WASF1: variants seen among roughly 807,000 people sequenced by gnomAD.
The protein encoded by WASF1 is WASP family member 1, also known as actin-binding protein WASF1.
WASF1 carries 7 observed loss-of-function variants against 50.5 expected under a neutral mutation model. The observed-to-expected ratio is 0.14, with a 90% CI of 0.08 to 0.26. WASF1 has a LOEUF of 0.26. Among genes scored for constraint, WASF1 ranks in the 10% least tolerant of loss-of-function variants. The pLI, the probability that WASF1 is intolerant of heterozygous loss-of-function variation, is 1.00. For synonymous variants in WASF1, 205 were observed against 244.0 expected, an observed-to-expected ratio of 0.84 and a Z score of 1.49; for missense variants, 470 against 694.7, an observed-to-expected ratio of 0.68 and a Z score of 3.64.
intron 2 of WASF1, among the ~76,000 whole-genome samples, chr6:110,177,685 C>A (rs1776988581): frequency 6.6e-6 from 1 of 152,072 alleles, no homozygotes; most frequent in Admixed American, 6.5e-5. Context: ...TAATCCTACA[C>A]CATCAACTTA....
At chr6:110,167,433 G>A (rs1776524133) in intron 2 of WASF1, among the ~76,000 whole-genome samples, 3 of 151,856 alleles carry the variant, frequency 2.0e-5, no homozygotes, top group Admixed American at 1.3e-4. Flanking sequence ...GACAAGATGT[G>A]GAGGTAGAAG....
intron 4 of WASF1, among the ~76,000 whole-genome samples, chr6:110,117,754 A>T (rs1302162139): frequency 6.6e-6 from 1 of 152,218 alleles, no homozygotes; most frequent in Non-Finnish European, 1.5e-5. Context: ...TGTTAAGGGC[A>T]GCCACAGAGA....
At chr6:110,164,994 A>C (rs1776415088) in intron 2 of WASF1, among the ~76,000 whole-genome samples, 2 of 151,670 alleles carry the variant, frequency 1.3e-5, no homozygotes, top group Admixed American at 1.3e-4. Flanking sequence ...AGAAAAGGCA[A>C]AACTATAAAG....
chr6:110,139,303 G>A (rs942776597), intron 3 of WASF1, among the ~76,000 whole-genome samples: 5 of 152,350 alleles, frequency 3.3e-5, no homozygotes, highest in Admixed American at 2.0e-4. Context: ...ACAGCCCGTG[G>A]CTGGGTGGCT....
intron 5 of WASF1, among the ~76,000 whole-genome samples, chr6:110,112,891 TC>T: frequency 7.4e-6 from 1 of 134,798 alleles, no homozygotes. Context: ...AGAGTGTCTG[TC>T]TCAAAAAAAA....
At chr6:110,155,702 C>A (rs1414574386) in intron 3 of WASF1, among the ~76,000 whole-genome samples, 4 of 60,072 alleles carry the variant, frequency 6.7e-5, no homozygotes, top group Admixed American at 3.4e-4. Flanking sequence ...ATCCCTCCCC[C>A]CTCCCCCGAC....
intron 3 of WASF1, among the ~76,000 whole-genome samples, chr6:110,133,724 T>C (rs1774807215): frequency 6.6e-6 from 1 of 151,406 alleles, no homozygotes; most frequent in African/African-American, 2.4e-5. Context: ...TACTTTCTGA[T>C]GGGATTTTTT....
chr6:110,152,967 C>T (rs931316883), intron 3 of WASF1, among the ~76,000 whole-genome samples: 1 of 152,112 alleles, frequency 6.6e-6, no homozygotes, highest in African/African-American at 2.4e-5. Context: ...TTGTTGAATT[C>T]TATATAAATG....
chr6:110,110,543 T>G (rs1256670814), intron 5 of WASF1, among the ~76,000 whole-genome samples: 2 of 152,190 alleles, frequency 1.3e-5, no homozygotes, highest in African/African-American at 4.8e-5. Context: ...CTTTTCTATC[T>G]TCAACTCCTC....
At chr6:110,154,497 T>G (rs1318141850) in intron 3 of WASF1, among the ~76,000 whole-genome samples, 2 of 151,992 alleles carry the variant, frequency 1.3e-5, no homozygotes, top group African/African-American at 4.8e-5. Flanking sequence ...GAGAAAGATA[T>G]AAATAGAAAG....
At chr6:110,142,618 A>G (rs953441368) in intron 3 of WASF1, among the ~76,000 whole-genome samples, 2 of 152,160 alleles carry the variant, frequency 1.3e-5, no homozygotes, top group Admixed American at 1.3e-4. Context: ...CAGGCTAGAA[A>G]AGAATTTTAA....
chr6:110,101,577 G>A lies in WASF1; in HGVS notation c.1522+11C>T. The A allele has an allele frequency of 6.3e-7, 1 of 1,597,944 alleles. No homozygotes were observed. The highest frequency in any genetic ancestry group is 8.5e-7 in the Non-Finnish European group (1 of 1,170,180). ...CTATAGCAATGCTTTTCATGGAGCTGAGAAAATTACCTTTTCGTATTGCTT... is the reference window on the plus strand; with the variant it reads ...CTATAGCAATGCTTTTCATGGAGCTAAGAAAATTACCTTTTCGTATTGCTT... On this transcript the variant is annotated intron_variant, in intron 10 of 10. Coordinates refer to ENST00000392589, the MANE Select transcript of WASF1 (RefSeq NM_003931.3).
intron 2 of WASF1, among the ~76,000 whole-genome samples, chr6:110,161,323 G>C (rs1201095739): frequency 6.6e-6 from 1 of 151,478 alleles, no homozygotes; most frequent in Non-Finnish European, 1.5e-5. Context: ...ATGTTCTTAG[G>C]AGGGAGGAAC....
intron 3 of WASF1, 58 bp from the exon 4 acceptor site, chr6:110,127,687 C>T: frequency 7.3e-7 from 1 of 1,368,510 alleles, no homozygotes. Flanking sequence ...CAGAATGAGA[C>T]TTTATTTTTC....
intron 2 of WASF1, among the ~76,000 whole-genome samples, chr6:110,178,385 A>T (rs557687071): frequency 1.5e-3 from 223 of 152,350 alleles, no homozygotes; most frequent in Non-Finnish European, 2.4e-3. Context: ...TGCTATGAAC[A>T]ATCAGAAAAA....
At chr6:110,137,980 T>G (rs1427637586) in intron 3 of WASF1, among the ~76,000 whole-genome samples, 1 of 152,158 alleles carries the variant, frequency 6.6e-6, no homozygotes, top group African/African-American at 2.4e-5. Flanking sequence ...TGTGCCAGAG[T>G]TTTGCTCAGG....
intron 2 of WASF1, among the ~76,000 whole-genome samples, chr6:110,161,511 T>C (rs990472624): frequency 2.0e-5 from 3 of 151,602 alleles, no homozygotes; most frequent in African/African-American, 7.3e-5. Flanking sequence ...AGTACCTTAT[T>C]TTACCAGATT....
intron 3 of WASF1, among the ~76,000 whole-genome samples, chr6:110,158,202 G>A (rs2114595641): frequency 4.4e-5 from 1 of 22,752 alleles, no homozygotes; most frequent in East Asian, 9.3e-4. Flanking sequence ...CTTTTTGGTT[G>A]GTAAACTATT....
intron 2 of WASF1, among the ~76,000 whole-genome samples, chr6:110,165,265 T>C (rs1584028324): frequency 6.6e-6 from 1 of 151,718 alleles, no homozygotes; most frequent in Non-Finnish European, 1.5e-5. Flanking sequence ...TAATAGGCTA[T>C]ACATATGTGG....
Sources: gnomAD v4.1 joint callset for allele counts (sites outside exome capture counted in the v4.1 genomes callset) on GRCh38, gnomAD v4.1.1 for gene constraint, MANE v1.5 for transcripts, NCBI Gene and HGNC (gene_info 2026-07-23, HGNC 2026-07-21) for gene names.